The following PRKCA variants were observed in gnomAD, a reference collection of about 807,000 sequenced individuals.
The protein encoded by PRKCA is protein kinase C alpha.
Under a neutral mutation model 87.0 loss-of-function variants are expected in PRKCA, and 27 were observed. The ratio of observed to expected loss-of-function variants is 0.31; its 90% CI spans 0.23 to 0.43. The LOEUF is 0.43. Among genes scored for constraint, PRKCA ranks in the 20% least tolerant of loss-of-function variants. The probability of loss-of-function intolerance (pLI) is 1.00; values close to 1 mark genes in which losing one functional copy is unlikely to be tolerated. For synonymous variants in PRKCA, 329 were observed against 311.1 expected, an observed-to-expected ratio of 1.06 and a Z score of -0.61; for missense variants, 518 against 852.3, an observed-to-expected ratio of 0.61 and a Z score of 4.88.
intron 14 of PRKCA, among the ~76,000 whole-genome samples, chr17:66,783,307 G>A (rs113231428): frequency 7.5e-4 from 114 of 152,288 alleles, no homozygotes; most frequent in Non-Finnish European, 1.4e-3. Flanking sequence ...GACTTCTCAG[G>A]GCCTGTACAA....
At chr17:66,374,076 G>A (rs935079276) in intron 2 of PRKCA, among the ~76,000 whole-genome samples, 2 of 152,148 alleles carry the variant, frequency 1.3e-5, no homozygotes, top group African/African-American at 2.4e-5. Context: ...AAGGGGATGA[G>A]CCAGGGAGGA....
chr17:66,704,498 C>A (rs563983823), intron 8 of PRKCA, among the ~76,000 whole-genome samples: 38 of 152,290 alleles, frequency 2.5e-4, no homozygotes, highest in African/African-American at 9.1e-4. Flanking sequence ...CCAAACTAGA[C>A]CCCCAGTAAT....
chr17:66,355,325 C>T (rs755739513), intron 2 of PRKCA, among the ~76,000 whole-genome samples: 1 of 152,144 alleles, frequency 6.6e-6, no homozygotes, highest in African/African-American at 2.4e-5. Flanking sequence ...GGTGGTGAGG[C>T]TCCTTCCTCT....
At chr17:66,780,414 C>A (rs1975176318) in intron 14 of PRKCA, among the ~76,000 whole-genome samples, 2 of 152,162 alleles carry the variant, frequency 1.3e-5, no homozygotes, top group Non-Finnish European at 2.9e-5. Context: ...CGGTGGTTCA[C>A]ACCTATAGTC....
rs1027735704 is a variant in PRKCA at position 66,753,486 on chromosome 17, A to G, written c.1524+10726A>G. 2.0e-5 allele frequency among the ~76,000 whole-genome samples: 3 copies of G among 152,196 alleles called. 1 individual carries two copies. The highest frequency in any genetic ancestry group is 7.2e-5 in the African/African-American group (3 of 41,452). On this transcript the variant is annotated intron_variant, in intron 13 of 16. Transcript: ENST00000413366. The stretch of plus-strand genomic sequence containing the variant: ...GAAGAGAAGTGGGGTGGCCCATGTC[A>G]ATAGTACATTCTTAGGCCTCCACAT...
At chr17:66,749,610 C>T (rs1974385244) in intron 13 of PRKCA, among the ~76,000 whole-genome samples, 1 of 152,210 alleles carries the variant, frequency 6.6e-6, no homozygotes. Context: ...CCACCACGGG[C>T]AGAATTTCAT....
At chr17:66,668,036 A>G (rs1418776256) in intron 5 of PRKCA, among the ~76,000 whole-genome samples, 2 of 152,200 alleles carry the variant, frequency 1.3e-5, no homozygotes, top group East Asian at 3.8e-4. Context: ...TTAAGAAACA[A>G]TTATCAGTGG....
chr17:66,450,203 G>GGA (rs1187045529), intron 2 of PRKCA, among the ~76,000 whole-genome samples: 1 of 152,032 alleles, frequency 6.6e-6, no homozygotes, highest in East Asian at 1.9e-4. Context: ...CTCCTGTTCT[G>GGA]GAGAGAGAGA....
chr17:66,335,742 T>C (rs1046438050), intron 2 of PRKCA, among the ~76,000 whole-genome samples: 1 of 152,220 alleles, frequency 6.6e-6, no homozygotes, highest in Admixed American at 6.5e-5. Context: ...TACCATTTTA[T>C]TTTTAGCCAC....
At chr17:66,395,977 TG>T (rs1330783270) in intron 2 of PRKCA, among the ~76,000 whole-genome samples, 1 of 152,134 alleles carries the variant, frequency 6.6e-6, no homozygotes, top group African/African-American at 2.4e-5. Flanking sequence ...ATGTTTAACC[TG>T]GAAAGTCTCC....
intron 13 of PRKCA, among the ~76,000 whole-genome samples, chr17:66,773,033 G>A (rs1974975479): frequency 6.6e-6 from 1 of 151,914 alleles, no homozygotes; most frequent in Non-Finnish European, 1.5e-5. Flanking sequence ...GTCTTGCTAC[G>A]TTGCCCAGGC....
At chr17:66,325,644 G>A (rs2143244472) in intron 2 of PRKCA, among the ~76,000 whole-genome samples, 1 of 152,260 alleles carries the variant, frequency 6.6e-6, no homozygotes, top group Non-Finnish European at 1.5e-5. Context: ...AGCAAGTCAG[G>A]AGGCTAATGT....
At chr17:66,402,257 G>A (rs756645125) in intron 2 of PRKCA, among the ~76,000 whole-genome samples, 26 of 152,170 alleles carry the variant, frequency 1.7e-4, no homozygotes, top group Non-Finnish European at 3.5e-4. Flanking sequence ...CAGGCCGTGT[G>A]AAGATCCTTA....
intron 8 of PRKCA, among the ~76,000 whole-genome samples, chr17:66,720,033 C>T (rs577401197): frequency 3.3e-5 from 5 of 152,292 alleles, no homozygotes; most frequent in Admixed American, 6.5e-5. Context: ...GGAGCTGTGC[C>T]GGGGAACAAA....
Position 66,664,730 on chromosome 17 carries a change from C to T in PRKCA, c.529+19219C>T, listed in dbSNP as rs76111605. Among the ~76,000 whole-genome samples, 240 of 148,226 alleles carry T rather than the reference C, an allele frequency of 1.6e-3. 4 individuals carry two copies. In the East Asian group the frequency reaches 0.032, roughly 20 times the overall value. ...GGGCAGTGTTGCGATCATAGCTCAC[C>T]GCAGCCATGATGAGCTGCCGGGCTC... On this transcript the variant is annotated intron_variant, in intron 5 of 16. Coordinates refer to ENST00000413366, the MANE Select transcript of PRKCA (RefSeq NM_002737.3).
At chr17:66,778,817 C>G (rs143227875) in intron 14 of PRKCA, among the ~76,000 whole-genome samples, 1 of 150,568 alleles carries the variant, frequency 6.6e-6, no homozygotes, top group East Asian at 2.0e-4. Flanking sequence ...TGCACTCCAG[C>G]CTGGGTGAGA....
rs1054976589 is a variant in PRKCA, at chr17:66,406,572, G to T, written c.206-89629G>T. Among the ~76,000 whole-genome samples the T allele has an allele frequency of 3.5e-3, 186 of 52,668 alleles. 1 individual carries two copies. Among genetic ancestry groups the T allele is most frequent in the African/African-American group, 8.2e-3 (168 of 20,466 alleles). The allele number at this position is 52,668 out of a possible 152,430, so 34.6% of individuals were successfully genotyped here. Reference sequence around the variant, plus strand: ...TGCCCAGGCAGCTTCATGTAGCATTGTAGCTTTTCCAGGTTTTTTTTTTTT... The same window carrying T: ...TGCCCAGGCAGCTTCATGTAGCATTTTAGCTTTTCCAGGTTTTTTTTTTTT... On this transcript the variant is annotated intron_variant, in intron 2 of 16. Transcript: ENST00000413366.
chr17:66,383,420 A>T (rs1184236848), intron 2 of PRKCA, among the ~76,000 whole-genome samples: 1 of 151,836 alleles, frequency 6.6e-6, no homozygotes, highest in Non-Finnish European at 1.5e-5. Context: ...TGGCTAAGTC[A>T]ATGGGCAAAA....
Position 66,808,288 on chromosome 17 carries a change from G to GA in PRKCA, c.*4252dup, listed in dbSNP as rs1403825797. On this transcript the variant is annotated 3_prime_UTR_variant, in exon 17 of 17. Coordinates refer to ENST00000413366, the MANE Select transcript of PRKCA (RefSeq NM_002737.3). ...CCCACCTGGGTTCCACTTAGCAGGA[G>GA]ACATTTCGGAGGGTTTTTTTTGTTT... is the stretch of plus-strand genomic sequence containing the variant. 6.7e-6 allele frequency: 1 copy of GA among 149,788 alleles called. No individual in the cohort carries two copies. Among genetic ancestry groups the GA allele is most frequent in the African/African-American group, 2.5e-5 (1 of 40,346 alleles). 9.3% of individuals were successfully genotyped at this position (149,788 alleles called of 1,614,324 possible).
Sources: allele counts gnomAD v4.1 joint callset (sites outside exome capture counted in the v4.1 genomes callset), GRCh38; gene constraint gnomAD v4.1.1; transcripts MANE v1.5; gene names NCBI Gene and HGNC (gene_info 2026-07-23, HGNC 2026-07-21).